Variants in FAM222B observed in about 807,000 individuals in gnomAD.
The protein encoded by FAM222B is family with sequence similarity 222 member B.
A neutral mutation model predicts 38.0 loss-of-function variants in FAM222B; 12 were observed. The observed-to-expected ratio is 0.32, with a 90% CI of 0.20 to 0.51. The LOEUF (loss-of-function observed/expected upper bound fraction) is 0.51. Ranked by LOEUF, FAM222B falls within the 20% of genes least tolerant of loss-of-function variation. The probability of loss-of-function intolerance (pLI) is 0.97; values close to 1 mark genes in which losing one functional copy is unlikely to be tolerated. For missense variants in FAM222B, 716 were observed against 754.2 expected (o/e 0.95, Z 0.59); for synonymous variants, 329 against 317.2 (o/e 1.04, Z -0.40).
At chr17:28,801,932 C>T (rs2037250250) in intron 1 of FAM222B, among the ~76,000 whole-genome samples, 1 of 151,616 alleles carries the variant, frequency 6.6e-6, no homozygotes, top group African/African-American at 2.4e-5. Flanking sequence ...CTAAATCATC[C>T]CAATTCTGCA....
chr17:28,805,544 TAA>T (rs2037450723), intron 1 of FAM222B, among the ~76,000 whole-genome samples: 1 of 149,802 alleles, frequency 6.7e-6, no homozygotes, highest in South Asian at 2.1e-4. Context: ...TCAAAAAAAA[TAA>T]AAGAGGCTGA....
chr17:28,836,150 C>T (rs929613858), intron 1 of FAM222B, among the ~76,000 whole-genome samples: 2 of 151,690 alleles, frequency 1.3e-5, no homozygotes, highest in African/African-American at 4.8e-5. Context: ...CCACCACACC[C>T]AGCTAATTTG....
chr17:28,822,832 AATATATATATATATATATATAT>A (rs1254235399), intron 1 of FAM222B, among the ~76,000 whole-genome samples: 13 of 42,796 alleles, frequency 3.0e-4, no homozygotes, highest in African/African-American at 1.4e-3. Context: ...AAAAAAAAAA[AATATATATATATATATATATAT>A]ATATATATAT....
At chr17:28,796,048 G>A (rs946828706) in intron 1 of FAM222B, among the ~76,000 whole-genome samples, 3 of 152,138 alleles carry the variant, frequency 2.0e-5, no homozygotes, top group Non-Finnish European at 4.4e-5. Flanking sequence ...TTGACTTCTT[G>A]TCTAAAAGAG....
At chr17:28,851,627 C>T (rs1351177614) in intron 1 of FAM222B, among the ~76,000 whole-genome samples, 1 of 151,888 alleles carries the variant, frequency 6.6e-6, no homozygotes, top group Non-Finnish European at 1.5e-5. Context: ...CCTGTAATCC[C>T]AGCACTTTGG....
At chr17:28,818,634 G>A (rs1049070385) in intron 1 of FAM222B, among the ~76,000 whole-genome samples, 3 of 152,150 alleles carry the variant, frequency 2.0e-5, no homozygotes, top group East Asian at 1.9e-4. Flanking sequence ...TCAAAGTCAC[G>A]ACAAGGGTGC....
At chr17:28,817,136 G>A (rs1356693424) in intron 1 of FAM222B, among the ~76,000 whole-genome samples, 2 of 152,038 alleles carry the variant, frequency 1.3e-5, no homozygotes, top group African/African-American at 4.8e-5. Flanking sequence ...TAATAAGCCC[G>A]GCGCAGTGGC....
At chr17:28,825,823 T>C (rs966074609) in intron 1 of FAM222B, among the ~76,000 whole-genome samples, 3 of 152,186 alleles carry the variant, frequency 2.0e-5, no homozygotes, top group Admixed American at 1.3e-4. Context: ...TCTCGCAGGC[T>C]GGAATGCAGT....
At chr17:28,836,695 T>C (rs947177567) in intron 1 of FAM222B, among the ~76,000 whole-genome samples, 1 of 152,172 alleles carries the variant, frequency 6.6e-6, no homozygotes, top group African/African-American at 2.4e-5. Flanking sequence ...TGCTTTTCTA[T>C]ACAATGTCTG....
chr17:28,773,611 C>T (rs2035745120), intron 1 of FAM222B, among the ~76,000 whole-genome samples: 1 of 151,430 alleles, frequency 6.6e-6, no homozygotes, highest in Admixed American at 6.6e-5. Context: ...CCAGCCTGGC[C>T]AACATGGCAA....
chr17:28,780,679 C>T (rs546525354), intron 1 of FAM222B, among the ~76,000 whole-genome samples: 2 of 152,088 alleles, frequency 1.3e-5, no homozygotes, highest in African/African-American at 4.8e-5. Context: ...GTCAGTAGTT[C>T]GAGACCAGCC....
intron 1 of FAM222B, among the ~76,000 whole-genome samples, chr17:28,814,015 G>C (rs763171683): frequency 6.6e-6 from 1 of 151,848 alleles, no homozygotes; most frequent in African/African-American, 2.4e-5. Context: ...TTCGAGACCA[G>C]CCTGGTCAAC....
At chr17:28,850,873 C>T (rs566149254) in intron 1 of FAM222B, among the ~76,000 whole-genome samples, 1 of 152,088 alleles carries the variant, frequency 6.6e-6, no homozygotes. Context: ...GTAATCCCAA[C>T]GCTTTGGGAG....
chr17:28,820,350 G>C (rs955747032), intron 1 of FAM222B, among the ~76,000 whole-genome samples: 2 of 152,166 alleles, frequency 1.3e-5, no homozygotes, highest in African/African-American at 4.8e-5. Flanking sequence ...ACTCTGGTAT[G>C]GAACAAGGAG....
chr17:28,775,237 C>A (rs2035830690), intron 1 of FAM222B, among the ~76,000 whole-genome samples: 1 of 151,724 alleles, frequency 6.6e-6, no homozygotes, highest in South Asian at 2.1e-4. Context: ...CCCACCTCGG[C>A]CTCCCAAGGT....
intron 1 of FAM222B, among the ~76,000 whole-genome samples, chr17:28,769,632 T>C (rs1190424657): frequency 6.6e-6 from 1 of 152,172 alleles, no homozygotes; most frequent in Non-Finnish European, 1.5e-5. Flanking sequence ...AGCTTAAATA[T>C]CTCTAATGAC....
At chr17:28,834,188 C>T (rs2152618666) in intron 1 of FAM222B, 1 of 152,342 alleles carries the variant, frequency 6.6e-6, no homozygotes, top group South Asian at 2.1e-4. Context: ...ACCATTCTCC[C>T]AACCAACTAG....
chr17:28,760,919 T>A (rs897683765), intron 2 of FAM222B, among the ~76,000 whole-genome samples: 1 of 152,210 alleles, frequency 6.6e-6, no homozygotes, highest in Admixed American at 6.5e-5. Flanking sequence ...CCCGACTGGA[T>A]GAGGATCAAA....
At chr17:28,829,543 C>A (rs1367109448) in intron 1 of FAM222B, among the ~76,000 whole-genome samples, 3 of 152,126 alleles carry the variant, frequency 2.0e-5, no homozygotes. Flanking sequence ...TGAGTTTTCC[C>A]CAGAACATCA....
Sources: gnomAD v4.1 joint callset for allele counts (sites outside exome capture counted in the v4.1 genomes callset) on GRCh38, gnomAD v4.1.1 for gene constraint, MANE v1.5 for transcripts, NCBI Gene and HGNC (gene_info 2026-07-23, HGNC 2026-07-21) for gene names.